MXI1: variants seen among roughly 807,000 people sequenced by gnomAD.
MXI1 encodes the protein MAX interactor 1, dimerization protein, also known as max-interacting protein 1.
Under a neutral mutation model 36.9 loss-of-function variants are expected in MXI1, and 18 were observed. The ratio of observed to expected loss-of-function variants is 0.49; its 90% CI spans 0.34 to 0.72. The LOEUF is 0.72. Ranked by LOEUF, MXI1 falls within the 30% of genes least tolerant of loss-of-function variation. MXI1 has a pLI of 0.01. For missense variants in MXI1, 304 were observed against 379.1 expected (o/e 0.80, Z 1.64); for synonymous variants, 160 against 146.7 (o/e 1.09, Z -0.65).
intron 3 of MXI1, among the ~76,000 whole-genome samples, chr10:110,254,002 A>G (rs1856193131): frequency 6.6e-6 from 1 of 152,058 alleles, no homozygotes; most frequent in African/African-American, 2.4e-5. Flanking sequence ...GGGCAGTTAG[A>G]TAAGAAAAAA....
rs576902065 is a variant in MXI1 at position 110,218,323 on chromosome 10, G to A, written c.275-9866G>A. On this transcript the variant is annotated intron_variant, in intron 1 of 5. Coordinates refer to ENST00000332674, the MANE Select transcript of MXI1 (RefSeq NM_130439.3). Reference sequence around the variant, plus strand: ...AAATTAGCCGGGCGTGGTGGCGGGCGCCTGTAGTCCCAGCTACTCGGGAGG... The same window carrying A: ...AAATTAGCCGGGCGTGGTGGCGGGCACCTGTAGTCCCAGCTACTCGGGAGG... 1.7e-4 allele frequency among the ~76,000 whole-genome samples: 26 copies of A among 152,084 alleles called. No individual in the cohort carries two copies. The East Asian group carries it at 4.5e-3, about 26-fold the overall frequency.
At chr10:110,251,179 T>C (rs1856071289) in intron 3 of MXI1, among the ~76,000 whole-genome samples, 1 of 151,876 alleles carries the variant, frequency 6.6e-6, no homozygotes, top group African/African-American at 2.4e-5. Flanking sequence ...TTCTGTAAGG[T>C]AGAAAGGCAG....
In MXI1 at chr10:110,208,079, A is replaced by G; in HGVS notation, c.271A>G (p.Lys91Glu). ...SYLEQIEKEN[K>E]KCEHGYASSF... Reference sequence around the variant, plus strand: ...CCTGGAGCAGATCGAGAAAGAAAACAAAAGTAAGTTTGGGGGCCCCTGCTC... The same window carrying G: ...CCTGGAGCAGATCGAGAAAGAAAACGAAAGTAAGTTTGGGGGCCCCTGCTC... Residue 91 changes from lysine to glutamate, a missense_variant, in exon 1 of 6, where the codon AAA becomes GAA. Lys to Glu is a moderately conservative substitution (Grantham distance 56). Transcript: ENST00000332674. The G allele has an allele frequency of 1.9e-6, 3 of 1,588,180 alleles. No homozygotes were observed. The highest frequency in any genetic ancestry group is 2.6e-6 in the Non-Finnish European group (3 of 1,167,822).
At chr10:110,208,467 GT>G (rs1298656700) in intron 1 of MXI1, 1 of 126,632 alleles carries the variant, frequency 7.9e-6, no homozygotes, top group Non-Finnish European at 1.6e-5. Flanking sequence ...GACAAGTGTT[GT>G]TTTTCTGTTG....
At chr10:110,273,268 C>G (rs1036891008) in intron 3 of MXI1, among the ~76,000 whole-genome samples, 1 of 151,762 alleles carries the variant, frequency 6.6e-6, no homozygotes, top group Non-Finnish European at 1.5e-5. Flanking sequence ...ACAATGGTCT[C>G]GATCTCCTGA....
At chr10:110,213,510 T>C (rs182323604) in intron 1 of MXI1, among the ~76,000 whole-genome samples, 1 of 152,338 alleles carries the variant, frequency 6.6e-6, no homozygotes, top group Admixed American at 6.5e-5. Context: ...TCAACTTATT[T>C]TTTCCAGTTT....
At chr10:110,209,763 GTGTTTGCTTT>G (rs1854461400) in intron 1 of MXI1, among the ~76,000 whole-genome samples, 1 of 152,126 alleles carries the variant, frequency 6.6e-6, no homozygotes, top group Admixed American at 6.5e-5. Context: ...TTTGTTTGGT[GTGTTTGCTTT>G]TGTTGCAGGG....
Position 110,236,741 on chromosome 10 carries a change from G to A in MXI1, c.408-8087G>A, listed in dbSNP as rs571867771. Among the ~76,000 whole-genome samples, 6 of 152,294 alleles carry A rather than the reference G, an allele frequency of 3.9e-5. No homozygotes were observed. In the South Asian group the frequency reaches 6.2e-4, roughly 16 times the overall value. On this transcript the variant is annotated intron_variant, in intron 2 of 5. Coordinates refer to ENST00000332674, the MANE Select transcript of MXI1 (RefSeq NM_130439.3). ...CTTCCAAAGTGTTGGGATTACAGGC[G>A]TGAGCCACTGTGCGTGGCCTGCATT...
intron 3 of MXI1, among the ~76,000 whole-genome samples, chr10:110,249,201 C>T (rs7906928): frequency 0.063 from 9,511 of 152,136 alleles, 936 homozygotes; most frequent in African/African-American, 0.21. Flanking sequence ...AAGATAGTAA[C>T]TCACTATGAA....
At chr10:110,260,287 A>G (rs1476020940) in intron 3 of MXI1, among the ~76,000 whole-genome samples, 2 of 152,008 alleles carry the variant, frequency 1.3e-5, no homozygotes, top group Non-Finnish European at 2.9e-5. Context: ...GGATCTCTAG[A>G]TGATCTTAGA....
At position 110,287,149 on chromosome 10, in the gene MXI1, G is replaced by A. The variant is rs550609387; in HGVS notation, c.*2162G>A. 6 of 152,252 alleles carry A rather than the reference G, an allele frequency of 3.9e-5. No individual in the cohort carries two copies. The East Asian group carries it at 9.7e-4, about 24-fold the overall frequency. 9.4% of individuals were successfully genotyped at this position (152,252 alleles called of 1,614,324 possible). A position where few individuals can be genotyped will look rare whatever the true frequency, so the allele number is the denominator to read the frequency against. ...GCCTTCATTCAGATGAACTTGAGGT[G>A]CCATTTTGTTGCATATGTACAGGAT... is the stretch of plus-strand genomic sequence containing the variant. On this transcript the variant is annotated 3_prime_UTR_variant, in exon 6 of 6. Coordinates refer to ENST00000332674, the MANE Select transcript of MXI1 (RefSeq NM_130439.3).
At chr10:110,221,834 T>C (rs566286689) in intron 1 of MXI1, among the ~76,000 whole-genome samples, 2 of 152,188 alleles carry the variant, frequency 1.3e-5, no homozygotes, top group Non-Finnish European at 2.9e-5. Flanking sequence ...GTCCTTTCCC[T>C]TTCTCCCCAG....
chr10:110,243,063 T>G (rs937457416), intron 2 of MXI1, among the ~76,000 whole-genome samples: 1 of 152,010 alleles, frequency 6.6e-6, no homozygotes, highest in Non-Finnish European at 1.5e-5. Context: ...TAAACGTCTT[T>G]AAATAGGCCT....
Position 110,285,726 on chromosome 10 carries a change from G to C in MXI1, c.*739G>C, listed in dbSNP as rs995591574. On this transcript the variant is annotated 3_prime_UTR_variant, in exon 6 of 6. Transcript: ENST00000332674. ...GCTGCCCTTAGGCCACATGGGAGCA[G>C]TCCATGCATGACAGCCTCTATCCTA... 2.6e-5 allele frequency: 4 copies of C among 152,274 alleles called. No homozygotes were observed. The highest frequency in any genetic ancestry group is 4.4e-5 in the Non-Finnish European group (3 of 68,076). 9.4% of individuals were successfully genotyped at this position (152,274 alleles called of 1,614,324 possible).
intron 3 of MXI1, among the ~76,000 whole-genome samples, chr10:110,248,790 C>CTA (rs1477758735): frequency 6.6e-6 from 1 of 152,090 alleles, no homozygotes; most frequent in South Asian, 2.1e-4. Flanking sequence ...TTCCCTGAGG[C>CTA]TTCATTGAAA....
At chr10:110,220,236 T>A (rs909411483) in intron 1 of MXI1, among the ~76,000 whole-genome samples, 7 of 152,174 alleles carry the variant, frequency 4.6e-5, no homozygotes, top group Non-Finnish European at 7.3e-5. Flanking sequence ...CTCAGAGGTG[T>A]GCTGAGGATT....
At chr10:110,272,812 CT>C (rs36012740) in intron 3 of MXI1, among the ~76,000 whole-genome samples, 1 of 151,656 alleles carries the variant, frequency 6.6e-6, no homozygotes, top group African/African-American at 2.4e-5. Context: ...GTGAAAGCTG[CT>C]TTTTTGAAAA....
chr10:110,260,905 A>C (rs1207173994), intron 3 of MXI1: 2 of 698,692 alleles, frequency 2.9e-6, no homozygotes. Context: ...ACTTCTGGCC[A>C]CTTTTTTGTA....
intron 1 of MXI1, among the ~76,000 whole-genome samples, chr10:110,211,210 C>G (rs1423531279): frequency 2.0e-5 from 3 of 152,158 alleles, no homozygotes; most frequent in Admixed American, 6.5e-5. Flanking sequence ...CCTCCTCCCC[C>G]TCCCAGCTAG....
Sources: gnomAD v4.1 joint callset for allele counts (sites outside exome capture counted in the v4.1 genomes callset) on GRCh38, gnomAD v4.1.1 for gene constraint, MANE v1.5 for transcripts, NCBI Gene and HGNC (gene_info 2026-07-23, HGNC 2026-07-21) for gene names.